The following KIRREL3 variants were observed in gnomAD, a reference collection of about 807,000 sequenced individuals.
KIRREL3 encodes kin of IRRE-like protein 3.
A neutral mutation model predicts 89.7 loss-of-function variants in KIRREL3; 36 were observed. The ratio of observed to expected loss-of-function variants is 0.40; its 90% confidence interval spans 0.31 to 0.53. KIRREL3 has a LOEUF of 0.53. Ranked by LOEUF, KIRREL3 falls within the 20% of genes least tolerant of loss-of-function variation. The probability of loss-of-function intolerance (pLI) is 0.49; values close to 1 mark genes in which losing one functional copy is unlikely to be tolerated. For synonymous variants in KIRREL3, 445 were observed against 441.4 expected (o/e 1.01, Z -0.10); for missense variants, 864 against 1,056.6 (o/e 0.82, Z 2.53).
intron 1 of KIRREL3, among the ~76,000 whole-genome samples, chr11:126,573,967 C>T (rs962405156): frequency 3.3e-5 from 5 of 152,146 alleles, no homozygotes; most frequent in Admixed American, 3.3e-4. Context: ...TGATTCTACC[C>T]ATTCTATTCT....
chr11:126,693,696 A>G (rs533796691), intron 1 of KIRREL3, among the ~76,000 whole-genome samples: 2 of 152,316 alleles, frequency 1.3e-5, no homozygotes, highest in South Asian at 4.1e-4. Flanking sequence ...TTTGTCCACC[A>G]GTGATAGCGT....
chr11:126,574,741 T>C lies in KIRREL3; in HGVS notation c.56-11829A>G, dbSNP rs1173030269. ...CAGACTTGAGATGGCTCCTTAGACT[T>C]AAATCTCCCTTGAAAAGAAAATGCT... On this transcript the variant is annotated intron_variant, in intron 1 of 16. Coordinates refer to ENST00000525144, the MANE Select transcript of KIRREL3 (RefSeq NM_032531.4). The surrounding 1 kb of genome is among the most constrained non-coding windows in gnomAD (Gnocchi z 5.3). 6.6e-6 allele frequency among the ~76,000 whole-genome samples: 1 copy of C among 152,136 alleles called. No homozygotes were observed. Among genetic ancestry groups the C allele is most frequent in the Non-Finnish European group, 1.5e-5 (1 of 68,024 alleles).
In KIRREL3 at chr11:126,561,863, G is replaced by T. The variant is rs1260947857; in HGVS notation, c.133+972C>A. Among the ~76,000 whole-genome samples, 1 of 152,160 alleles carries T rather than the reference G, an allele frequency of 6.6e-6. No individual in the cohort carries two copies. The highest frequency in any genetic ancestry group is 1.5e-5 in the Non-Finnish European group (1 of 68,016). ...GGATGTGGTTGTCGTGGTCGGGGTT[G>T]GGAGGAGAGACAGCTGAGGAGCTTG... On this transcript the variant is annotated intron_variant, in intron 2 of 16. Transcript: ENST00000525144. The surrounding 1 kb of genome is among the most constrained non-coding windows in gnomAD (Gnocchi z 4.5).
At position 126,955,685 on chromosome 11, in the gene KIRREL3, A is replaced by G. The variant is rs1337222252; in HGVS notation, c.55+44770T>C. On this transcript the variant is annotated intron_variant, in intron 1 of 16. Coordinates refer to ENST00000525144, the MANE Select transcript of KIRREL3 (RefSeq NM_032531.4). The surrounding 1 kb of genome is among the most constrained non-coding windows in gnomAD (Gnocchi z 4.6). Reference sequence around the variant, plus strand: ...TACACAGACCAGGCACAGTGTGTGAACTGAAGAACTACATTTATACCAAAG... The same window carrying G: ...TACACAGACCAGGCACAGTGTGTGAGCTGAAGAACTACATTTATACCAAAG... Among the ~76,000 whole-genome samples the G allele has an allele frequency of 2.0e-5, 3 of 152,224 alleles. No individual in the cohort carries two copies. Among genetic ancestry groups the G allele is most frequent in the Non-Finnish European group, 4.4e-5 (3 of 68,034 alleles).
rs1314972425 is a variant in KIRREL3, at chr11:126,532,788, CGGTTGAGGGTA to C, written c.134-6112_134-6102del. Among the ~76,000 whole-genome samples the C allele has an allele frequency of 9.9e-5, 15 of 152,028 alleles. No individual in the cohort carries two copies. The South Asian group carries it at 1.0e-3, about 11-fold the overall frequency. ...CACCTATTGGTCAGTAACACTGAAA[CGGTTGAGGGTA>C]AAGTTTAGTACTGGCCACCATAGGA... On this transcript the variant is annotated intron_variant, in intron 2 of 16. Coordinates refer to ENST00000525144, the MANE Select transcript of KIRREL3 (RefSeq NM_032531.4).
rs140846981 is a variant in KIRREL3 at position 126,882,216 on chromosome 11, A to G, written c.55+118239T>C. On this transcript the variant is annotated intron_variant, in intron 1 of 16. Coordinates refer to ENST00000525144, the MANE Select transcript of KIRREL3 (RefSeq NM_032531.4). ...CAAATGTATCTAAAAATTGCCAACCACTTGTTAAAGTGTAAGCAGGTGCAT... is the reference window on the plus strand; with the variant it reads ...CAAATGTATCTAAAAATTGCCAACCGCTTGTTAAAGTGTAAGCAGGTGCAT... 8.8e-4 allele frequency among the ~76,000 whole-genome samples: 134 copies of G among 152,198 alleles called. 2 individuals carry two copies. The highest frequency in any genetic ancestry group is 2.9e-3 in the South Asian group (14 of 4,818).
rs1937740350 is a variant in KIRREL3 at position 126,535,108 on chromosome 11, G to A, written c.134-8421C>T. On this transcript the variant is annotated intron_variant, in intron 2 of 16. Transcript: ENST00000525144. The surrounding 1 kb of genome is among the most constrained non-coding windows in gnomAD (Gnocchi z 4.5). ...GGCTCTGGTTATGGGGCAGAGCTGG[G>A]AGCAGGCAGATGGCATCCTCAGATC... 1.3e-5 allele frequency among the ~76,000 whole-genome samples: 2 copies of A among 152,058 alleles called. No homozygotes were observed. The highest frequency in any genetic ancestry group is 4.8e-5 in the African/African-American group (2 of 41,376).
intron 1 of KIRREL3, among the ~76,000 whole-genome samples, chr11:126,901,970 T>C (rs1185409866): frequency 1.3e-5 from 2 of 152,196 alleles, no homozygotes; most frequent in African/African-American, 4.8e-5. Context: ...CAGCATGGAA[T>C]GTCTCAAGGG....
intron 1 of KIRREL3, chr11:126,936,844 A>G (rs1443775851): frequency 6.6e-6 from 1 of 152,228 alleles, no homozygotes; most frequent in African/African-American, 2.4e-5. Context: ...TGTCCGAACA[A>G]CTGTGTAAAT....
chr11:126,435,197 G>T, intron 13 of KIRREL3, 71 bp downstream of exon 13: 2 of 1,542,316 alleles, frequency 1.3e-6, no homozygotes, highest in Non-Finnish European at 8.9e-7. Context: ...CCCCTGCTGG[G>T]TTCCCTCCCC....
intron 1 of KIRREL3, among the ~76,000 whole-genome samples, chr11:126,663,069 G>A (rs1037962177): frequency 4.0e-5 from 6 of 151,576 alleles, no homozygotes; most frequent in African/African-American, 1.5e-4. Context: ...GGCAAGGGAA[G>A]AACCAGCAAG....
rs764734800 is a variant in KIRREL3 at position 126,562,948 on chromosome 11, G to C, written c.56-36C>G. The C allele has an allele frequency of 6.4e-7, 1 of 1,564,368 alleles. No individual in the cohort carries two copies. The highest frequency in any genetic ancestry group is 8.8e-7 in the Non-Finnish European group (1 of 1,135,524). ...AGCATAGGTGGGTGAGTTGGGAATG[G>C]GAACAGGTCAGGCATTGTTGGGGGG... On this transcript the variant is annotated intron_variant, in intron 1 of 16. Coordinates refer to ENST00000525144, the MANE Select transcript of KIRREL3 (RefSeq NM_032531.4). The surrounding 1 kb of genome is among the most constrained non-coding windows in gnomAD (Gnocchi z 4.7).
rs1477342784 is a variant in KIRREL3, at chr11:126,969,348, G to A, written c.55+31107C>T. ...GAGAGAGTTGTCCACTGGGGAAAACGCCTGGGCAATTCCCTGCAGTGTGGC... is the reference window on the plus strand; with the variant it reads ...GAGAGAGTTGTCCACTGGGGAAAACACCTGGGCAATTCCCTGCAGTGTGGC... On this transcript the variant is annotated intron_variant, in intron 1 of 16. Transcript: ENST00000525144. This position sits in a 1 kb window ranked among gnomAD's most constrained non-coding sequence, Gnocchi z 4.9. Among the ~76,000 whole-genome samples, 2 of 152,134 alleles carry A rather than the reference G, an allele frequency of 1.3e-5. No individual in the cohort carries two copies. The highest frequency in any genetic ancestry group is 4.8e-5 in the African/African-American group (2 of 41,426).
rs2134412568 is a variant in KIRREL3 at position 126,807,585 on chromosome 11, C to T, written c.55+192870G>A. Among the ~76,000 whole-genome samples the T allele has an allele frequency of 6.6e-6, 1 of 152,350 alleles. No individual in the cohort carries two copies. The highest frequency in any genetic ancestry group is 1.5e-5 in the Non-Finnish European group (1 of 68,036). On this transcript the variant is annotated intron_variant, in intron 1 of 16. Transcript: ENST00000525144. This position sits in a 1 kb window ranked among gnomAD's most constrained non-coding sequence, Gnocchi z 4.3. ...TCGTGCATTCATAGACACACGGAAC[C>T]TCATGCAGGTACCCAATTATGCTGT...
chr11:126,534,660 C>CGGG (rs939265161), intron 2 of KIRREL3, among the ~76,000 whole-genome samples: 10 of 152,312 alleles, frequency 6.6e-5, no homozygotes, highest in Middle Eastern at 3.4e-3. Context: ...CCATCTGTCC[C>CGGG]GGGGGCCCTT....
chr11:126,607,343 G>T lies in KIRREL3; in HGVS notation c.56-44431C>A, dbSNP rs888971467. Among the ~76,000 whole-genome samples the T allele has an allele frequency of 6.6e-6, 1 of 152,126 alleles. No homozygotes were observed. Among genetic ancestry groups the T allele is most frequent in the African/African-American group, 2.4e-5 (1 of 41,420 alleles). ...AGACAGAACGGGTTTCTTATGGCTG[G>T]GGCTGCTTTCTAATGTGAATATGAG... On this transcript the variant is annotated intron_variant, in intron 1 of 16. Coordinates refer to ENST00000525144, the MANE Select transcript of KIRREL3 (RefSeq NM_032531.4). The surrounding 1 kb of genome is among the most constrained non-coding windows in gnomAD (Gnocchi z 6.6).
intron 13 of KIRREL3, among the ~76,000 whole-genome samples, chr11:126,434,065 G>A (rs576502248): frequency 5.9e-5 from 9 of 152,334 alleles, no homozygotes; most frequent in East Asian, 1.9e-4. Context: ...CGAGTGCCCC[G>A]GGGTGCCATC....
intron 1 of KIRREL3, among the ~76,000 whole-genome samples, chr11:126,975,416 A>G (rs1949538576): frequency 6.6e-6 from 1 of 152,140 alleles, no homozygotes. Flanking sequence ...TACCCCCCTG[A>G]AATTTCCTTA....
At chr11:126,637,377 C>G (rs944434377) in intron 1 of KIRREL3, among the ~76,000 whole-genome samples, 4 of 152,182 alleles carry the variant, frequency 2.6e-5, no homozygotes, top group African/African-American at 9.7e-5. Context: ...CTATCTTTCC[C>G]TCCACTGGCC....
Sources: gnomAD v4.1 joint callset for allele counts (sites outside exome capture counted in the v4.1 genomes callset) on GRCh38, gnomAD v4.1.1 for gene constraint, Gnocchi (gnomAD v3.1) non-coding constraint, MANE v1.5 for transcripts, NCBI Gene and HGNC (gene_info 2026-07-23, HGNC 2026-07-21) for gene names.